Variants in DTWD2 observed in about 807,000 individuals in gnomAD.
DTWD2 encodes the protein DTW motif tRNA-uridine aminocarboxypropyltransferase 2, also known as tRNA-uridine aminocarboxypropyltransferase 2.
In DTWD2, 39 loss-of-function variants were observed where a neutral mutation model predicts 31.8. That is an observed-to-expected ratio of 1.22 (90% CI 0.95 to 1.60). The LOEUF (loss-of-function observed/expected upper bound fraction) is 1.60, where lower values mean the gene tolerates loss of function less well. Among genes scored for constraint, DTWD2 ranks in the 40% most tolerant of loss-of-function variants. The probability of loss-of-function intolerance (pLI) is 0.00; values close to 1 mark genes in which losing one functional copy is unlikely to be tolerated. For synonymous variants in DTWD2, 180 were observed against 142.8 expected, an observed-to-expected ratio of 1.26 and a Z score of -1.86; for missense variants, 515 against 381.5, an observed-to-expected ratio of 1.35 and a Z score of -2.92.
At chr5:118,982,811 C>G (rs1755335306) in intron 1 of DTWD2, among the ~76,000 whole-genome samples, 1 of 151,448 alleles carries the variant, frequency 6.6e-6, no homozygotes, top group Non-Finnish European at 1.5e-5. Flanking sequence ...GCCTCAGCCT[C>G]CCAAGTAGCT....
intron 1 of DTWD2, among the ~76,000 whole-genome samples, chr5:118,967,168 G>A (rs1268500122): frequency 2.6e-5 from 4 of 151,888 alleles, no homozygotes; most frequent in Non-Finnish European, 5.9e-5. Context: ...GATAAAGAGA[G>A]TCAGATTTCT....
chr5:118,898,483 C>T (rs1302361413), intron 4 of DTWD2, among the ~76,000 whole-genome samples: 1 of 151,210 alleles, frequency 6.6e-6, no homozygotes, highest in African/African-American at 2.4e-5. Flanking sequence ...CATGGTGAAA[C>T]CCCGTCGCTA....
intron 4 of DTWD2, among the ~76,000 whole-genome samples, chr5:118,917,354 G>A (rs1014037783): frequency 3.3e-5 from 5 of 152,194 alleles, no homozygotes; most frequent in African/African-American, 1.2e-4. Context: ...CACATGGAAA[G>A]AAACAATAGG....
chr5:118,926,170 T>G lies in DTWD2; in HGVS notation c.597+2367A>C, dbSNP rs575809684. Among the ~76,000 whole-genome samples, 12 of 152,032 alleles carry G rather than the reference T, an allele frequency of 7.9e-5. No individual in the cohort carries two copies. The South Asian group carries it at 2.5e-3, about 32-fold the overall frequency. On this transcript the variant is annotated intron_variant, in intron 4 of 5. Coordinates refer to ENST00000510708, the MANE Select transcript of DTWD2 (RefSeq NM_173666.4). ...ATCTAAGTGCCCATCAACCAATGAG[T>G]GGACAAAGAAAATGTAGTATATATA...
chr5:118,882,957 G>T (rs1197848634), intron 4 of DTWD2, among the ~76,000 whole-genome samples: 1 of 152,194 alleles, frequency 6.6e-6, no homozygotes, highest in Non-Finnish European at 1.5e-5. Flanking sequence ...CCCAGAAAAT[G>T]GGTTTTTGTT....
chr5:118,983,436 T>TA (rs1422982017), intron 1 of DTWD2, among the ~76,000 whole-genome samples: 1 of 152,208 alleles, frequency 6.6e-6, no homozygotes, highest in Non-Finnish European at 1.5e-5. Context: ...AAAACATCTG[T>TA]AGAGTGCCAG....
chr5:118,868,749 G>C (rs1752436111), intron 4 of DTWD2, among the ~76,000 whole-genome samples: 1 of 150,702 alleles, frequency 6.6e-6, no homozygotes, highest in South Asian at 2.1e-4. Flanking sequence ...TGAGGCAGAA[G>C]GATCACTTCA....
intron 4 of DTWD2, among the ~76,000 whole-genome samples, chr5:118,888,957 A>T (rs58554745): frequency 0.065 from 9,903 of 152,262 alleles, 1,036 homozygotes; most frequent in African/African-American, 0.22. Context: ...TTTACTTATA[A>T]CTAAGTATGG....
chr5:118,919,195 A>C (rs1040195489), intron 4 of DTWD2, among the ~76,000 whole-genome samples: 4 of 152,248 alleles, frequency 2.6e-5, no homozygotes, highest in Non-Finnish European at 5.9e-5. Flanking sequence ...TAGTGAAAGC[A>C]GATGTCATCA....
At chr5:118,944,383 ACT>A (rs1754282241) in intron 2 of DTWD2, among the ~76,000 whole-genome samples, 174 bp downstream of exon 2, 1 of 152,182 alleles carries the variant, frequency 6.6e-6, no homozygotes, top group Admixed American at 6.5e-5. Flanking sequence ...AGAGCATAAG[ACT>A]CTATACTATC....
intron 5 of DTWD2, among the ~76,000 whole-genome samples, chr5:118,843,390 T>C (rs994506151): frequency 9.7e-6 from 1 of 103,496 alleles, no homozygotes; most frequent in Non-Finnish European, 2.0e-5. Context: ...AGGAGAGAGA[T>C]AGAAAGAAAA....
intron 1 of DTWD2, among the ~76,000 whole-genome samples, chr5:118,976,797 A>G (rs545976627): frequency 6.6e-6 from 1 of 152,346 alleles, no homozygotes; most frequent in East Asian, 1.9e-4. Context: ...AACTATTTCA[A>G]ATAATAGAAA....
In DTWD2 at chr5:118,907,127, C is replaced by T. The variant is rs73239039; in HGVS notation, c.597+21410G>A. 5.0e-3 allele frequency among the ~76,000 whole-genome samples: 759 copies of T among 152,306 alleles called. 6 individuals carry two copies. The highest frequency in any genetic ancestry group is 0.017 in the African/African-American group (699 of 41,564). On this transcript the variant is annotated intron_variant, in intron 4 of 5. Transcript: ENST00000510708. ...TAGAAACTATGCTTAAAGGTACTCA[C>T]ATCAAGTGGACCATGAAGTATATTA...
intron 4 of DTWD2, among the ~76,000 whole-genome samples, chr5:118,861,727 GGTCA>G (rs1348564104): frequency 6.6e-6 from 1 of 152,022 alleles, no homozygotes; most frequent in Non-Finnish European, 1.5e-5. Context: ...CTGTGTCATG[GGTCA>G]GTATAGCGAA....
At chr5:118,879,449 A>T (rs954257667) in intron 4 of DTWD2, among the ~76,000 whole-genome samples, 1 of 151,872 alleles carries the variant, frequency 6.6e-6, no homozygotes, top group African/African-American at 2.4e-5. Flanking sequence ...GTCTCTACTA[A>T]AAATATTAAA....
chr5:118,923,161 A>T (rs1753739579), intron 4 of DTWD2, among the ~76,000 whole-genome samples: 1 of 152,080 alleles, frequency 6.6e-6, no homozygotes, highest in African/African-American at 2.4e-5. Context: ...CCTCATTCTC[A>T]CCTTGTTACA....
rs116558069 is a variant in DTWD2 at position 118,898,227 on chromosome 5, T to C, written c.597+30310A>G. Among the ~76,000 whole-genome samples, 1,272 of 152,254 alleles carry C rather than the reference T, an allele frequency of 8.4e-3. 15 individuals are homozygous for C. Among genetic ancestry groups the C allele is most frequent in the Non-Finnish European group, 0.01 (699 of 68,018 alleles). ...ACATTTGAAGTCTTCTAGGTAAACTTTGATACAATTTCATTCTGAAGAAAC... is the reference window on the plus strand; with the variant it reads ...ACATTTGAAGTCTTCTAGGTAAACTCTGATACAATTTCATTCTGAAGAAAC... On this transcript the variant is annotated intron_variant, in intron 4 of 5. Transcript: ENST00000510708.
At chr5:118,902,537 T>G (rs1482490429) in intron 4 of DTWD2, among the ~76,000 whole-genome samples, 1 of 152,158 alleles carries the variant, frequency 6.6e-6, no homozygotes, top group Non-Finnish European at 1.5e-5. Context: ...TAATTATTCT[T>G]CAACATAATT....
At chr5:118,880,541 A>C (rs1215114307) in intron 4 of DTWD2, among the ~76,000 whole-genome samples, 2 of 152,110 alleles carry the variant, frequency 1.3e-5, no homozygotes, top group Non-Finnish European at 2.9e-5. Flanking sequence ...GATTATCTCA[A>C]TTCTCATATA....
Sources: gnomAD v4.1 joint callset for allele counts (sites outside exome capture counted in the v4.1 genomes callset) on GRCh38, gnomAD v4.1.1 for gene constraint, MANE v1.5 for transcripts, NCBI Gene and HGNC (gene_info 2026-07-23, HGNC 2026-07-21) for gene names.